Variants in BBS9 observed in about 807,000 individuals in gnomAD.
The protein encoded by BBS9 is protein PTHB1.
In BBS9, 89 loss-of-function variants were observed where a neutral mutation model predicts 117.7. The observed-to-expected ratio is 0.76, with a 90% CI of 0.64 to 0.90. The LOEUF (loss-of-function observed/expected upper bound fraction) is 0.90, where lower values mean the gene tolerates loss of function less well. Among genes scored for constraint, BBS9 ranks in the 40% least tolerant of loss-of-function variants. The probability of loss-of-function intolerance (pLI) is 0.00; values close to 1 mark genes in which losing one functional copy is unlikely to be tolerated. For missense variants in BBS9, 982 were observed against 1,042.2 expected (o/e 0.94, Z 0.80); for synonymous variants, 379 against 370.9 (o/e 1.02, Z -0.25).
At chr7:33,389,649 A>G (rs922459694) in intron 19 of BBS9, among the ~76,000 whole-genome samples, 2 of 144,456 alleles carry the variant, frequency 1.4e-5, no homozygotes, top group African/African-American at 5.2e-5. Flanking sequence ...AGATCGCGCC[A>G]TTGCACTCCA....
chr7:33,165,996 T>C (rs1795619848), intron 4 of BBS9, among the ~76,000 whole-genome samples: 1 of 152,188 alleles, frequency 6.6e-6, no homozygotes, highest in Non-Finnish European at 1.5e-5. Context: ...GTCTTTGATG[T>C]TGGTGACCTA....
chr7:33,252,937 G>A (rs924994661), intron 5 of BBS9, among the ~76,000 whole-genome samples: 2 of 151,918 alleles, frequency 1.3e-5, no homozygotes, highest in African/African-American at 2.4e-5. Flanking sequence ...ACATCAAGTT[G>A]TAAATATATA....
chr7:33,426,205 G>A (rs1484998595), intron 19 of BBS9, among the ~76,000 whole-genome samples: 2 of 152,180 alleles, frequency 1.3e-5, no homozygotes, highest in African/African-American at 4.8e-5. Flanking sequence ...TTACAACAAA[G>A]AGGGTTCTGT....
chr7:33,592,342 G>A (rs773798239), intron 21 of BBS9, among the ~76,000 whole-genome samples: 2 of 151,974 alleles, frequency 1.3e-5, no homozygotes. Context: ...TGCATTGAAA[G>A]GAAAGGGAAT....
chr7:33,387,020 A>G (rs1826161037), intron 18 of BBS9, among the ~76,000 whole-genome samples: 1 of 151,966 alleles, frequency 6.6e-6, no homozygotes, highest in Non-Finnish European at 1.5e-5. Context: ...ACTATTTTGT[A>G]TTGTTTTGCT....
At chr7:33,176,864 G>A (rs1797399342) in intron 4 of BBS9, among the ~76,000 whole-genome samples, 2 of 152,134 alleles carry the variant, frequency 1.3e-5, no homozygotes, top group East Asian at 1.9e-4. Flanking sequence ...TTCTCATTTG[G>A]AAAGAACTAG....
At chr7:33,305,136 T>C (rs1807607308) in intron 9 of BBS9, among the ~76,000 whole-genome samples, 1 of 133,782 alleles carries the variant, frequency 7.5e-6, no homozygotes, top group Non-Finnish European at 1.7e-5. Flanking sequence ...TCAATAAATA[T>C]TAAAAAAAAA....
chr7:33,343,770 A>G (rs1435041227), intron 11 of BBS9, among the ~76,000 whole-genome samples: 1 of 152,120 alleles, frequency 6.6e-6, no homozygotes. Flanking sequence ...AAGTGCTAGG[A>G]TTACAGGCAT....
intron 5 of BBS9, among the ~76,000 whole-genome samples, chr7:33,215,680 A>G (rs1788918454): frequency 6.6e-6 from 1 of 152,160 alleles, no homozygotes; most frequent in Non-Finnish European, 1.5e-5. Context: ...AGCCATAAAA[A>G]TGAAATCCCG....
intron 21 of BBS9, among the ~76,000 whole-genome samples, chr7:33,552,722 AG>A (rs2129094895): frequency 6.6e-6 from 1 of 152,318 alleles, no homozygotes; most frequent in South Asian, 2.1e-4. Flanking sequence ...CAAACTGTGC[AG>A]AAGACCTTAC....
At chr7:33,238,555 A>C (rs1325719280) in intron 5 of BBS9, among the ~76,000 whole-genome samples, 2 of 152,060 alleles carry the variant, frequency 1.3e-5, no homozygotes, top group Non-Finnish European at 2.9e-5. Context: ...CAGCCTCCAA[A>C]AGTGCTGAGA....
intron 19 of BBS9, among the ~76,000 whole-genome samples, chr7:33,401,627 A>C (rs1049057249): frequency 2.6e-5 from 4 of 152,210 alleles, no homozygotes; most frequent in African/African-American, 9.7e-5. Flanking sequence ...TGAAAGAGTT[A>C]AATTGCTGTC....
At chr7:33,214,690 A>G (rs1788697247) in intron 5 of BBS9, among the ~76,000 whole-genome samples, 1 of 152,224 alleles carries the variant, frequency 6.6e-6, no homozygotes, top group Non-Finnish European at 1.5e-5. Flanking sequence ...TGATGAGAAA[A>G]ATTAAAGAGG....
In BBS9 at chr7:33,351,291, GAAATGC is replaced by G; in HGVS notation, c.1506_1511del (p.Asn503_Ala504del). 4 of 1,612,776 alleles carry G rather than the reference GAAATGC, an allele frequency of 2.5e-6. No homozygotes were observed. Among genetic ancestry groups the G allele is most frequent in the Non-Finnish European group, 3.4e-6 (4 of 1,178,840 alleles). ...AGTTATACACCATCAGAATTGGAAG[GAAATGC>G]TGTTGTTTCTTATTCCAGACCAACA... is the stretch of plus-strand genomic sequence containing the variant. On this transcript the variant is annotated inframe_deletion, in exon 14 of 23. Coordinates refer to ENST00000242067, the MANE Select transcript of BBS9 (RefSeq NM_198428.3).
chr7:33,318,470 C>G lies in BBS9; in HGVS notation c.1017-17971C>G, dbSNP rs117921567. Among the ~76,000 whole-genome samples, 872 of 152,200 alleles carry G rather than the reference C, an allele frequency of 5.7e-3. 6 individuals carry two copies. Among genetic ancestry groups the G allele is most frequent in the Non-Finnish European group, 9.1e-3 (618 of 68,026 alleles). ...GGTCTCTTGTAACCATTGTCCCTAC[C>G]CTTCAATCCCATATTCTCACTGCCT... On this transcript the variant is annotated intron_variant, in intron 9 of 22. Transcript: ENST00000242067.
chr7:33,188,712 C>A (rs941706343), intron 5 of BBS9, among the ~76,000 whole-genome samples: 1 of 152,124 alleles, frequency 6.6e-6, no homozygotes, highest in South Asian at 2.1e-4. Context: ...TGGATTTGGT[C>A]ATTTGCAAGT....
At chr7:33,170,203 A>G (rs1401849507) in intron 4 of BBS9, among the ~76,000 whole-genome samples, 6 of 151,250 alleles carry the variant, frequency 4.0e-5, no homozygotes, top group Admixed American at 2.0e-4. Context: ...AAAATCCTCA[A>G]TAAAATACTG....
intron 19 of BBS9, among the ~76,000 whole-genome samples, chr7:33,445,031 TA>T (rs1836785610): frequency 6.6e-6 from 1 of 152,112 alleles, no homozygotes; most frequent in Non-Finnish European, 1.5e-5. Flanking sequence ...AGAAAAATAG[TA>T]CATGTATGTT....
intron 20 of BBS9, among the ~76,000 whole-genome samples, chr7:33,509,261 CT>C (rs1298211197): frequency 6.6e-6 from 1 of 152,102 alleles, no homozygotes; most frequent in African/African-American, 2.4e-5. Context: ...AAAAGGAAAC[CT>C]TTTTCATTCT....
Sources: gnomAD v4.1 joint callset for allele counts (sites outside exome capture counted in the v4.1 genomes callset) on GRCh38, gnomAD v4.1.1 for gene constraint, MANE v1.5 for transcripts, NCBI Gene and HGNC (gene_info 2026-07-23, HGNC 2026-07-21) for gene names.